NUP205: variants seen among roughly 807,000 people sequenced by gnomAD.
The protein encoded by NUP205 is nuclear pore complex protein Nup205.
Under a neutral mutation model 253.8 loss-of-function variants are expected in NUP205, and 76 were observed. The observed-to-expected ratio is 0.30, with a 90% CI of 0.25 to 0.36. NUP205 has a LOEUF of 0.36. Among genes scored for constraint, NUP205 ranks in the 10% least tolerant of loss-of-function variants. The pLI is 1.00. For missense variants in NUP205, 2,162 were observed against 2,425.5 expected (o/e 0.89, Z 2.28); for synonymous variants, 832 against 850.1 (o/e 0.98, Z 0.37).
intron 31 of NUP205, 119 bp from the exon 32 acceptor site, chr7:135,625,045 A>G: frequency 2.3e-6 from 2 of 862,384 alleles, no homozygotes; most frequent in South Asian, 3.5e-5. Context: ...GTTGCAAGTA[A>G]CATTCTCTTT....
chr7:135,584,067 C>CCT (rs1411642755), intron 7 of NUP205, among the ~76,000 whole-genome samples: 1 of 152,000 alleles, frequency 6.6e-6, no homozygotes, highest in African/African-American at 2.4e-5. Flanking sequence ...AGGTGATCCT[C>CCT]CCAAAGTGCT....
At chr7:135,617,753 A>G (rs1794391671) in intron 27 of NUP205, 71 bp downstream of exon 27, 1 of 924,968 alleles carries the variant, frequency 1.1e-6, no homozygotes, top group Non-Finnish European at 1.7e-6. Context: ...AGACTAAAAT[A>G]GTATATTGAC....
At chr7:135,642,843 GGTGTGTGTGTGTGTGTGTGTGT>G (rs57007288) in intron 38 of NUP205, among the ~76,000 whole-genome samples, 1 of 144,896 alleles carries the variant, frequency 6.9e-6, no homozygotes, top group African/African-American at 2.6e-5. Flanking sequence ...GATGTGGAGG[GGTGTGTGTGTGTGTGTGTGTGT>G]GTGTGTGTGT....
At position 135,597,363 on chromosome 7, in the gene NUP205, T is replaced by C. The variant is rs2129490427; in HGVS notation, c.2014-5T>C. On this transcript the variant is annotated splice_region_variant and splice_polypyrimidine_tract_variant and intron_variant, in intron 13 of 42. Transcript: ENST00000285968. ...CTCCTGACATCTACTTCTTACTATT[T>C]TAAGATACTGCAGACCGTGAGGATT... 1.2e-6 allele frequency: 2 copies of C among 1,606,728 alleles called. No individual in the cohort carries two copies. Among genetic ancestry groups the C allele is most frequent in the Non-Finnish European group, 1.7e-6 (2 of 1,173,480 alleles).
chr7:135,570,757 T>TATATATTATATTA (rs1554456495), intron 1 of NUP205, among the ~76,000 whole-genome samples: 1 of 63,574 alleles, frequency 1.6e-5, no homozygotes, highest in Non-Finnish European at 2.9e-5. Flanking sequence ...TAATTATATT[T>TATATATTATATTA]ATATATTATA....
chr7:135,645,029 T>C lies in NUP205; in HGVS notation c.5683+11T>C. On this transcript the variant is annotated intron_variant, in intron 40 of 42. Coordinates refer to ENST00000285968, the MANE Select transcript of NUP205 (RefSeq NM_015135.3). ...TTTCCCTTTGTTCTTGTATCCTTTA[T>C]GAAATCATGCACTTGAATGATGACC... The C allele has an allele frequency of 1.9e-6, 3 of 1,613,588 alleles. No homozygotes were observed. The highest frequency in any genetic ancestry group is 1.3e-5 in the African/African-American group (1 of 75,036).
intron 35 of NUP205, among the ~76,000 whole-genome samples, chr7:135,631,613 C>A (rs997754129): frequency 4.6e-5 from 7 of 152,122 alleles, no homozygotes; most frequent in African/African-American, 1.7e-4. Flanking sequence ...ACCATAATAT[C>A]CTCAGCTACT....
At chr7:135,570,044 TATATATATAGAGAG>T (rs1199218848) in intron 1 of NUP205, among the ~76,000 whole-genome samples, 12 of 101,866 alleles carry the variant, frequency 1.2e-4, no homozygotes, top group African/African-American at 1.7e-4. Flanking sequence ...TATATATATA[TATATATATAGAGAG>T]AGAGAGAGAG....
intron 1 of NUP205, among the ~76,000 whole-genome samples, chr7:135,562,508 T>G (rs2129489441): frequency 6.6e-6 from 1 of 151,398 alleles, no homozygotes; most frequent in African/African-American, 2.4e-5. Context: ...TTTTAAATCT[T>G]CATTTGGCTT....
intron 30 of NUP205, among the ~76,000 whole-genome samples, chr7:135,621,500 ACTG>A (rs1310946817): frequency 1.3e-5 from 2 of 152,200 alleles, no homozygotes; most frequent in East Asian, 1.9e-4. Context: ...CAATTTAAAA[ACTG>A]CTGCTATGTA....
chr7:135,580,126 G>A (rs190560117), intron 7 of NUP205, among the ~76,000 whole-genome samples: 4 of 152,292 alleles, frequency 2.6e-5, no homozygotes, highest in Non-Finnish European at 1.5e-5. Flanking sequence ...CTTTATTCAA[G>A]TTTACAATTT....
chr7:135,588,626 G>C (rs903801355), intron 10 of NUP205, among the ~76,000 whole-genome samples: 1 of 150,656 alleles, frequency 6.6e-6, no homozygotes, highest in Non-Finnish European at 1.5e-5. Flanking sequence ...TGATGACCAG[G>C]CTGGTCTGTA....
intron 1 of NUP205, among the ~76,000 whole-genome samples, chr7:135,559,502 C>T (rs1805521447): frequency 6.6e-6 from 1 of 151,974 alleles, no homozygotes; most frequent in African/African-American, 2.4e-5. Flanking sequence ...TCCTGAGTAG[C>T]TGGGATTACA....
At chr7:135,571,928 C>T (rs1031750681) in intron 2 of NUP205, among the ~76,000 whole-genome samples, 1 of 152,112 alleles carries the variant, frequency 6.6e-6, no homozygotes, top group Non-Finnish European at 1.5e-5. Context: ...GTGAAGTGGC[C>T]TGATTATAGC....
intron 17 of NUP205, among the ~76,000 whole-genome samples, chr7:135,602,305 C>T (rs1793983425): frequency 1.3e-5 from 2 of 152,204 alleles, no homozygotes; most frequent in African/African-American, 4.8e-5. Context: ...TTATTTTCCA[C>T]AGTGATTTGG....
Position 135,648,501 on chromosome 7 carries a change from T to G in NUP205, c.5984T>G (p.Phe1995Cys). 2 of 1,605,628 alleles carry G rather than the reference T, an allele frequency of 1.2e-6. No homozygotes were observed. The highest frequency in any genetic ancestry group is 1.7e-6 in the Non-Finnish European group (2 of 1,177,352). ...TCAAAAGTTCGATCTCGATATAGTT[T>G]CATACAGGCTCTTGTCAGACGTATC... is the stretch of plus-strand genomic sequence containing the variant. ...LYSKVRSRYS[F>C]IQALVRRIRG... Residue 1995 changes from phenylalanine (F) to cysteine (C), a missense_variant, in exon 43 of 43, where the codon TTC becomes TGC. By Grantham distance (205) the Phe-to-Cys change is radical (BLOSUM62 -2). Coordinates refer to ENST00000285968, the MANE Select transcript of NUP205 (RefSeq NM_015135.3).
intron 30 of NUP205, among the ~76,000 whole-genome samples, chr7:135,621,370 A>G (rs1794467073): frequency 6.6e-6 from 1 of 152,198 alleles, no homozygotes; most frequent in Non-Finnish European, 1.5e-5. Context: ...AGCACCTCCC[A>G]CATTTTTCTT....
intron 13 of NUP205, 49 bp from the exon 14 acceptor site, chr7:135,597,315 TATTC>T: frequency 7.7e-7 from 1 of 1,305,822 alleles, no homozygotes; most frequent in South Asian, 1.2e-5. Context: ...AAGCCACTAA[TATTC>T]ATTGATGAAT....
At chr7:135,618,695 T>C (rs766049315) in intron 28 of NUP205, 92 bp downstream of exon 28, 18 of 1,129,984 alleles carry the variant, frequency 1.6e-5, no homozygotes, top group Middle Eastern at 2.4e-4. Flanking sequence ...CCATTTTCGA[T>C]TGGGAGTAAA....
Sources: gnomAD v4.1 joint callset for allele counts (sites outside exome capture counted in the v4.1 genomes callset) on GRCh38, gnomAD v4.1.1 for gene constraint, MANE v1.5 for transcripts, NCBI Gene and HGNC (gene_info 2026-07-23, HGNC 2026-07-21) for gene names.